The following ADK variants were observed in gnomAD, a reference collection of about 807,000 sequenced individuals.
ADK encodes the protein adenosine kinase.
A neutral mutation model predicts 44.7 loss-of-function variants in ADK; 24 were observed. The observed-to-expected ratio is 0.54, with a 90% confidence interval of 0.39 to 0.76. The LOEUF (loss-of-function observed/expected upper bound fraction) is 0.76, where lower values mean the gene tolerates loss of function less well. Among genes scored for constraint, ADK ranks in the 30% least tolerant of loss-of-function variants. The pLI is 0.00. For synonymous variants in ADK, 128 were observed against 142.6 expected, an observed-to-expected ratio of 0.90 and a Z score of 0.73; for missense variants, 321 against 425.1, an observed-to-expected ratio of 0.76 and a Z score of 2.15.
chr10:74,598,552 C>T lies in ADK; in HGVS notation c.763-1827C>T, dbSNP rs554257659. On this transcript the variant is annotated intron_variant, in intron 8 of 10. Transcript: ENST00000539909. ...GCAACCTCTGCCTCCTGGGTTCAAGCGATTCTCCTGCCTCAGCCCTCCCAA... is the reference window on the plus strand; with the variant it reads ...GCAACCTCTGCCTCCTGGGTTCAAGTGATTCTCCTGCCTCAGCCCTCCCAA... Among the ~76,000 whole-genome samples the T allele has an allele frequency of 2.1e-4, 31 of 147,532 alleles. 1 individual carries two copies. The highest frequency in any genetic ancestry group is 7.0e-4 in the Admixed American group (10 of 14,268).
intron 4 of ADK, among the ~76,000 whole-genome samples, chr10:74,369,880 T>A (rs893318367): frequency 1.3e-5 from 2 of 152,204 alleles, no homozygotes; most frequent in Admixed American, 1.3e-4. Flanking sequence ...TCTATGTATA[T>A]TATTCTATAG....
At chr10:74,485,462 AAAATAAATAAAT>A (rs200618866) in intron 6 of ADK, among the ~76,000 whole-genome samples, 8,279 of 143,980 alleles carry the variant, frequency 0.058, 258 homozygotes, top group African/African-American at 0.077. Flanking sequence ...ACCCTGTCTC[AAAATAAATAAAT>A]AAATAAATAA....
At chr10:74,507,103 TATTAA>T (rs1848108140) in intron 6 of ADK, among the ~76,000 whole-genome samples, 3 of 152,136 alleles carry the variant, frequency 2.0e-5, no homozygotes, top group Admixed American at 2.0e-4. Context: ...AGCTAGTACT[TATTAA>T]ATTGTTTGGA....
intron 7 of ADK, among the ~76,000 whole-genome samples, chr10:74,588,503 CT>C (rs1490044247): frequency 2.0e-5 from 3 of 152,126 alleles, no homozygotes; most frequent in African/African-American, 7.2e-5. Flanking sequence ...ACTTGTTCCC[CT>C]ATCCTCTGTA....
chr10:74,300,215 T>G (rs561232927), intron 3 of ADK, among the ~76,000 whole-genome samples: 2 of 137,756 alleles, frequency 1.5e-5, no homozygotes, highest in South Asian at 4.6e-4. Context: ...ATACTGATAT[T>G]GTTGTTGTTT....
At position 74,182,997 on chromosome 10, in the gene ADK, C is replaced by T. The variant is rs559890728; in HGVS notation, c.66-17767C>T. Among the ~76,000 whole-genome samples, 338 of 152,290 alleles carry T rather than the reference C, an allele frequency of 2.2e-3. 1 individual carries two copies. The highest frequency in any genetic ancestry group is 7.9e-3 in the African/African-American group (327 of 41,558). On this transcript the variant is annotated intron_variant, in intron 1 of 10. Coordinates refer to ENST00000539909, the MANE Select transcript of ADK (RefSeq NM_006721.4). ...GTGGCATGAACACAGTTCACTGCAA[C>T]GTCAACCTCTGGGCTTAAGTGATCC...
chr10:74,659,676 T>C (rs1254904354), intron 9 of ADK, among the ~76,000 whole-genome samples: 1 of 152,212 alleles, frequency 6.6e-6, no homozygotes, highest in Non-Finnish European at 1.5e-5. Context: ...ATAGACCACC[T>C]ACAAGCTAGG....
intron 10 of ADK, among the ~76,000 whole-genome samples, chr10:74,703,343 G>A (rs764973967): frequency 2.6e-4 from 39 of 151,920 alleles, no homozygotes; most frequent in South Asian, 4.2e-4. Flanking sequence ...TTAGCCAGGC[G>A]TTGTGGTGTG....
chr10:74,176,775 C>G, intron 1 of ADK: 1 of 1,578,832 alleles, frequency 6.3e-7, no homozygotes, highest in Non-Finnish European at 8.6e-7. Flanking sequence ...TCGCTGAGTG[C>G]CTGAGCCGGG....
chr10:74,440,982 G>C (rs1007277404), intron 6 of ADK, among the ~76,000 whole-genome samples: 3 of 152,214 alleles, frequency 2.0e-5, no homozygotes, highest in African/African-American at 7.2e-5. Flanking sequence ...AAGATCTATT[G>C]TAATATAAAC....
At chr10:74,589,188 G>A in intron 7 of ADK, 94 bp from the exon 8 acceptor site, 1 of 1,117,624 alleles carries the variant, frequency 8.9e-7, no homozygotes, top group Non-Finnish European at 1.3e-6. Flanking sequence ...AGATAATTGT[G>A]TAAAGAAGAA....
At chr10:74,609,212 T>C (rs1380460585) in intron 9 of ADK, among the ~76,000 whole-genome samples, 2 of 152,210 alleles carry the variant, frequency 1.3e-5, no homozygotes, top group East Asian at 3.9e-4. Context: ...ACCACTTGGC[T>C]CCCTGGCTTT....
In ADK at chr10:74,365,889, T is replaced by C. The variant is rs191048484; in HGVS notation, c.274-28252T>C. On this transcript the variant is annotated intron_variant, in intron 4 of 10. Coordinates refer to ENST00000539909, the MANE Select transcript of ADK (RefSeq NM_006721.4). ...ACTCTTGTTATTTTATTTTCCAGTT[T>C]TAAATACTATTAATATCTAACTCAG... Among the ~76,000 whole-genome samples the C allele has an allele frequency of 1.1e-3, 170 of 152,336 alleles. 1 individual carries two copies. The highest frequency in any genetic ancestry group is 2.1e-3 in the Non-Finnish European group (145 of 68,020).
In ADK at chr10:74,527,966, A is replaced by G. The variant is rs112745854; in HGVS notation, c.726+2540A>G. The G allele has an allele frequency of 1.6e-3, 1,217 of 785,140 alleles. 20 individuals are homozygous for G. The African/African-American group carries it at 0.018, about 12-fold the overall frequency. The allele number at this position is 785,140 out of a possible 1,614,324, so 48.6% of individuals were successfully genotyped here. On this transcript the variant is annotated intron_variant, in intron 7 of 10. Transcript: ENST00000539909. ...GGCCTTTGGATGAGAAGGGCTGGTT[A>G]TAAGAAAAAATTATGGAAAAAGGCA... is the stretch of plus-strand genomic sequence containing the variant.
chr10:74,405,545 T>C (rs1374517464), intron 6 of ADK, among the ~76,000 whole-genome samples: 6 of 152,096 alleles, frequency 3.9e-5, no homozygotes, highest in Non-Finnish European at 7.4e-5. Flanking sequence ...TATGTATACA[T>C]GTGCCATGTT....
chr10:74,338,201 T>A (rs1841473047), intron 4 of ADK, among the ~76,000 whole-genome samples: 1 of 152,244 alleles, frequency 6.6e-6, no homozygotes, highest in African/African-American at 2.4e-5. Context: ...ATTTTCAATA[T>A]TCTTAGCCAT....
At chr10:74,643,539 C>T (rs1180151257) in intron 9 of ADK, among the ~76,000 whole-genome samples, 1 of 152,236 alleles carries the variant, frequency 6.6e-6, no homozygotes, top group East Asian at 1.9e-4. Context: ...TGTTAAAATT[C>T]TCGATTTTAT....
At chr10:74,319,800 C>T (rs117325868) in intron 4 of ADK, among the ~76,000 whole-genome samples, 1,723 of 152,224 alleles carry the variant, frequency 0.011, 6 homozygotes, top group Non-Finnish European at 0.018. Context: ...ATTCTAAACT[C>T]ATAACAACCT....
chr10:74,638,231 A>T (rs559737228), intron 9 of ADK, among the ~76,000 whole-genome samples: 2 of 152,224 alleles, frequency 1.3e-5, no homozygotes, highest in Non-Finnish European at 2.9e-5. Flanking sequence ...GTTGGTTTCT[A>T]TGGACTGAAT....
Sources: allele counts gnomAD v4.1 joint callset (sites outside exome capture counted in the v4.1 genomes callset), GRCh38; gene constraint gnomAD v4.1.1; transcripts MANE v1.5; gene names NCBI Gene and HGNC (gene_info 2026-07-23, HGNC 2026-07-21).